Variants in PARD3B observed in about 807,000 individuals in gnomAD.
PARD3B encodes partitioning defective 3 homolog B.
In PARD3B, 103 loss-of-function variants were observed where a neutral mutation model predicts 130.2. The ratio of observed to expected loss-of-function variants is 0.79; its 90% CI spans 0.67 to 0.93. The LOEUF is 0.93. PARD3B is among the 40% of genes least tolerant of loss of function. The pLI, the probability that PARD3B is intolerant of heterozygous loss-of-function variation, is 0.00. For missense variants in PARD3B, 1,609 were observed against 1,499.2 expected (o/e 1.07, Z -1.21); for synonymous variants, 583 against 553.2 (o/e 1.05, Z -0.76).
At chr2:205,552,435 G>A (rs892087659) in intron 21 of PARD3B, among the ~76,000 whole-genome samples, 1 of 152,150 alleles carries the variant, frequency 6.6e-6, no homozygotes, top group Non-Finnish European at 1.5e-5. Flanking sequence ...TTGAGACAAA[G>A]TCTCACTATG....
intron 20 of PARD3B, among the ~76,000 whole-genome samples, chr2:205,487,444 C>G (rs1319601928): frequency 1.8e-5 from 2 of 111,636 alleles, no homozygotes; most frequent in Non-Finnish European, 3.9e-5. Context: ...TCTCTTCTAA[C>G]TGACATAATC....
chr2:204,832,890 A>C (rs1019180611), intron 2 of PARD3B, among the ~76,000 whole-genome samples: 2 of 152,234 alleles, frequency 1.3e-5, no homozygotes, highest in African/African-American at 4.8e-5. Context: ...TATGCTGGGC[A>C]CTATAAAGAG....
In PARD3B at chr2:205,341,926, TA is replaced by T. The variant is rs910184248; in HGVS notation, c.2630+40226del. 6.6e-6 allele frequency among the ~76,000 whole-genome samples: 1 copy of T among 152,034 alleles called. No homozygotes were observed. Among genetic ancestry groups the T allele is most frequent in the African/African-American group, 2.4e-5 (1 of 41,410 alleles). On this transcript the variant is annotated intron_variant, in intron 18 of 22. Coordinates refer to ENST00000406610, the MANE Select transcript of PARD3B (RefSeq NM_001302769.2). The surrounding 1 kb of genome is among the most constrained non-coding windows in gnomAD (Gnocchi z 4.3). ...TATAAAAGATACAGTAAAAATACAA[TA>T]TTATAATCTTATGGGACCACTGTCA...
chr2:204,715,055 A>G (rs1416696837), intron 2 of PARD3B, among the ~76,000 whole-genome samples: 1 of 152,198 alleles, frequency 6.6e-6, no homozygotes, highest in Non-Finnish European at 1.5e-5. Context: ...GCATCCTTGA[A>G]GTGAATATAG....
At chr2:205,490,106 C>T (rs2049634885) in intron 20 of PARD3B, among the ~76,000 whole-genome samples, 1 of 151,948 alleles carries the variant, frequency 6.6e-6, no homozygotes, top group Admixed American at 6.6e-5. Context: ...GGAAGTGGGC[C>T]TTTATTTCTT....
chr2:205,108,054 T>A (rs1703351488), intron 5 of PARD3B, among the ~76,000 whole-genome samples: 1 of 152,202 alleles, frequency 6.6e-6, no homozygotes, highest in South Asian at 2.1e-4. Flanking sequence ...TATCCTCTCC[T>A]GTGTCAAGGA....
At chr2:204,880,532 C>T (rs1440969930) in intron 2 of PARD3B, among the ~76,000 whole-genome samples, 1 of 151,762 alleles carries the variant, frequency 6.6e-6, no homozygotes, top group Non-Finnish European at 1.5e-5. Context: ...TGGTGATGTG[C>T]ACCTGTAGTC....
rs1169205946 is a variant in PARD3B, at chr2:205,605,452, TTG to T, written c.3261-9992_3261-9991del. Among the ~76,000 whole-genome samples, 9 of 152,200 alleles carry T rather than the reference TTG, an allele frequency of 5.9e-5. 2 individuals carry two copies. The highest frequency in any genetic ancestry group is 2.2e-4 in the African/African-American group (9 of 41,552). On this transcript the variant is annotated intron_variant, in intron 22 of 22. Coordinates refer to ENST00000406610, the MANE Select transcript of PARD3B (RefSeq NM_001302769.2). ...TGCTATTGTTGTTGCTTCCTTTTAGTTGTGTGTGTGTGTTTTGTTTTGTTGTT... is the reference window on the plus strand; with the variant it reads ...TGCTATTGTTGTTGCTTCCTTTTAGTTGTGTGTGTGTTTTGTTTTGTTGTT...
intron 4 of PARD3B, among the ~76,000 whole-genome samples, chr2:205,059,988 G>C (rs1699972200): frequency 6.6e-6 from 1 of 151,980 alleles, no homozygotes; most frequent in South Asian, 2.1e-4. Context: ...CCATTTTACA[G>C]ACGACGAAGT....
At chr2:204,551,356 C>G (rs1052033926) in intron 1 of PARD3B, among the ~76,000 whole-genome samples, 4 of 152,226 alleles carry the variant, frequency 2.6e-5, no homozygotes, top group African/African-American at 7.2e-5. Flanking sequence ...CACCTCTGCT[C>G]TCTTTAGAAA....
At chr2:204,572,999 A>C (rs571478270) in intron 1 of PARD3B, among the ~76,000 whole-genome samples, 1 of 152,212 alleles carries the variant, frequency 6.6e-6, no homozygotes, top group African/African-American at 2.4e-5. Context: ...CTGCTATCTT[A>C]AATTATTGAC....
chr2:205,581,332 G>A (rs1244245027), intron 22 of PARD3B, among the ~76,000 whole-genome samples: 1 of 145,914 alleles, frequency 6.9e-6, no homozygotes, highest in Non-Finnish European at 1.5e-5. Context: ...TTATATCCCT[G>A]TCATATACGT....
At chr2:205,228,360 A>T (rs917618054) in intron 15 of PARD3B, among the ~76,000 whole-genome samples, 1 of 152,100 alleles carries the variant, frequency 6.6e-6, no homozygotes, top group Non-Finnish European at 1.5e-5. Context: ...AAGGATATTT[A>T]TGCCAGATAT....
intron 18 of PARD3B, among the ~76,000 whole-genome samples, chr2:205,367,949 A>T (rs2044670176): frequency 6.6e-6 from 1 of 152,196 alleles, no homozygotes; most frequent in Admixed American, 6.5e-5. Context: ...TTATGTGATG[A>T]TTTGTAAGTA....
intron 1 of PARD3B, among the ~76,000 whole-genome samples, chr2:204,587,017 G>T (rs1325331272): frequency 6.6e-6 from 1 of 152,158 alleles, no homozygotes; most frequent in Non-Finnish European, 1.5e-5. Flanking sequence ...CACAAAACCA[G>T]ATCCTTCAGA....
intron 4 of PARD3B, among the ~76,000 whole-genome samples, chr2:205,075,978 A>G (rs559650426): frequency 6.6e-6 from 1 of 152,302 alleles, no homozygotes; most frequent in African/African-American, 2.4e-5. Context: ...TATATTTTAT[A>G]TGATAAATTA....
chr2:205,338,870 A>G (rs1261410855), intron 18 of PARD3B, among the ~76,000 whole-genome samples: 1 of 152,188 alleles, frequency 6.6e-6, no homozygotes, highest in Non-Finnish European at 1.5e-5. Context: ...TAGGTATTAC[A>G]TGAGGAAGCA....
chr2:204,818,924 C>T (rs947865949), intron 2 of PARD3B, among the ~76,000 whole-genome samples: 2 of 151,962 alleles, frequency 1.3e-5, no homozygotes, highest in African/African-American at 4.8e-5. Context: ...TGTTGAAGTG[C>T]GTTTTGGAAC....
chr2:205,056,820 G>T (rs865779267), intron 4 of PARD3B, among the ~76,000 whole-genome samples: 1 of 151,540 alleles, frequency 6.6e-6, no homozygotes, highest in Non-Finnish European at 1.5e-5. Context: ...TTTACTTAAA[G>T]AAATTGTCTC....
Sources: gnomAD v4.1 joint callset for allele counts (sites outside exome capture counted in the v4.1 genomes callset) on GRCh38, gnomAD v4.1.1 for gene constraint, Gnocchi (gnomAD v3.1) non-coding constraint, MANE v1.5 for transcripts, NCBI Gene and HGNC (gene_info 2026-07-23, HGNC 2026-07-21) for gene names.